Variants in HAO1 observed in about 807,000 individuals in gnomAD.
HAO1 encodes the protein hydroxyacid oxidase 1, also known as 2-Hydroxyacid oxidase 1.
In HAO1, 34 loss-of-function variants were observed where a neutral mutation model predicts 39.7. The ratio of observed to expected loss-of-function variants is 0.86; its 90% CI spans 0.65 to 1.14. The LOEUF is 1.14. Among genes scored for constraint, HAO1 ranks in the 50% most tolerant of loss-of-function variants. The pLI is 0.00. For synonymous variants in HAO1, 172 were observed against 173.2 expected, an observed-to-expected ratio of 0.99 and a Z score of 0.05; for missense variants, 479 against 464.5, an observed-to-expected ratio of 1.03 and a Z score of -0.29.
intron 4 of HAO1, among the ~76,000 whole-genome samples, chr20:7,896,205 A>T (rs1415167403): frequency 1.3e-5 from 2 of 152,222 alleles, no homozygotes. Context: ...CATATTTTAT[A>T]TTCTAAACTA....
chr20:7,902,553 G>C (rs2050225728), intron 4 of HAO1, among the ~76,000 whole-genome samples: 1 of 152,116 alleles, frequency 6.6e-6, no homozygotes, highest in Non-Finnish European at 1.5e-5. Flanking sequence ...TATGCACTGG[G>C]AAGACAAAAA....
intron 5 of HAO1, among the ~76,000 whole-genome samples, chr20:7,891,359 A>C (rs2050173446): frequency 6.6e-6 from 1 of 151,950 alleles, no homozygotes; most frequent in South Asian, 2.1e-4. Flanking sequence ...AGAATTGTCT[A>C]TTCATGTCTT....
At chr20:7,915,074 T>G (rs1029283580) in intron 2 of HAO1, among the ~76,000 whole-genome samples, 13 of 152,140 alleles carry the variant, frequency 8.5e-5, no homozygotes, top group African/African-American at 3.1e-4. Context: ...GAGCTGAGAT[T>G]GCAGCATTGC....
At chr20:7,908,735 G>T (rs538995618) in intron 3 of HAO1, among the ~76,000 whole-genome samples, 1 of 152,130 alleles carries the variant, frequency 6.6e-6, no homozygotes, top group South Asian at 2.1e-4. Flanking sequence ...CTTTGGTGGG[G>T]ATTTTAGCTG....
chr20:7,883,777 A>G, intron 7 of HAO1, 114 bp from the exon 8 acceptor site: 1 of 899,958 alleles, frequency 1.1e-6, no homozygotes, highest in South Asian at 1.4e-5. Flanking sequence ...GATTCAAGGT[A>G]GGCTTGCCAA....
intron 3 of HAO1, among the ~76,000 whole-genome samples, chr20:7,912,842 G>T (rs1389565152): frequency 6.6e-6 from 1 of 152,154 alleles, no homozygotes; most frequent in Non-Finnish European, 1.5e-5. Flanking sequence ...ATACAGAAAT[G>T]ATATCCTAAA....
Position 7,940,365 on chromosome 20 carries a change from G to A in HAO1, c.58C>T (p.Pro20Ser). The change falls in exon 1 of 8, where the codon CCA (proline) becomes TCA (serine). Residue 20 changes from proline (P) to serine (S), a missense_variant. By Grantham distance (74) the Pro-to-Ser change is moderately conservative. Coordinates refer to ENST00000378789, the MANE Select transcript of HAO1 (RefSeq NM_017545.3). Reference sequence around the variant, plus strand: ...CTGTAATAGTCATATATAGACTTTGGAAGTACTGATTTAGCATGTTGTTCA... The same window carrying A: ...CTGTAATAGTCATATATAGACTTTGAAAGTACTGATTTAGCATGTTGTTCA... The part of the protein sequence containing the change: ...DYEQHAKSVL[P>S]KSIYDYYRSG... The A allele has an allele frequency of 1.2e-6, 2 of 1,612,312 alleles. No homozygotes were observed. Among genetic ancestry groups the A allele is most frequent in the Non-Finnish European group, 1.7e-6 (2 of 1,178,938 alleles).
At chr20:7,911,349 T>C (rs1417438348) in intron 3 of HAO1, among the ~76,000 whole-genome samples, 1 of 152,220 alleles carries the variant, frequency 6.6e-6, no homozygotes, top group Non-Finnish European at 1.5e-5. Context: ...TGTCATGATT[T>C]ACCTTGATCT....
chr20:7,925,313 G>A (rs750440156), intron 2 of HAO1, among the ~76,000 whole-genome samples: 1 of 152,116 alleles, frequency 6.6e-6, no homozygotes, highest in East Asian at 1.9e-4. Context: ...AATCGTTGCC[G>A]TGCTTTCATC....
intron 2 of HAO1, among the ~76,000 whole-genome samples, chr20:7,922,558 G>T (rs914564490): frequency 7.9e-5 from 12 of 152,092 alleles, no homozygotes; most frequent in Admixed American, 2.0e-4. Context: ...CATATATAGG[G>T]AGAGAATATC....
intron 5 of HAO1, among the ~76,000 whole-genome samples, chr20:7,892,459 C>T (rs1372547318): frequency 1.3e-5 from 2 of 152,190 alleles, no homozygotes; most frequent in Non-Finnish European, 2.9e-5. Flanking sequence ...GCAATATGCA[C>T]ACCCAATATT....
intron 5 of HAO1, among the ~76,000 whole-genome samples, chr20:7,887,428 T>C (rs1359273037): frequency 6.6e-6 from 1 of 152,128 alleles, no homozygotes; most frequent in Non-Finnish European, 1.5e-5. Context: ...GGGCTACAGA[T>C]TGGAAGGAAG....
At position 7,928,552 on chromosome 20, in the gene HAO1, C is replaced by T. The variant is rs145748038; in HGVS notation, c.289+5932G>A. On this transcript the variant is annotated intron_variant, in intron 2 of 7. Coordinates refer to ENST00000378789, the MANE Select transcript of HAO1 (RefSeq NM_017545.3). ...ATTTAAAGAACTTTTCTTTTGAACA[C>T]CAAAATGCAACACAAGTAGCTCATG... 1.2e-3 allele frequency among the ~76,000 whole-genome samples: 174 copies of T among 150,574 alleles called. 1 individual carries two copies. The highest frequency in any genetic ancestry group is 3.2e-3 in the African/African-American group (133 of 40,984).
intron 5 of HAO1, among the ~76,000 whole-genome samples, chr20:7,886,290 C>T (rs1422231759): frequency 2.0e-5 from 3 of 151,984 alleles, no homozygotes; most frequent in Admixed American, 2.0e-4. Flanking sequence ...TCTCCTGCCT[C>T]AGTCTCCCAA....
intron 3 of HAO1, among the ~76,000 whole-genome samples, chr20:7,907,126 A>G (rs1328105509): frequency 6.6e-6 from 1 of 152,214 alleles, no homozygotes; most frequent in Non-Finnish European, 1.5e-5. Context: ...GTTTCCCAGC[A>G]GATGAGTTGT....
intron 2 of HAO1, among the ~76,000 whole-genome samples, chr20:7,924,919 A>T (rs1352428205): frequency 1.3e-5 from 2 of 152,148 alleles, no homozygotes; most frequent in Non-Finnish European, 2.9e-5. Flanking sequence ...GTCATTACGT[A>T]ATGGGGAAAA....
In HAO1 at chr20:7,940,237, G is replaced by A. The variant is rs193032717; in HGVS notation, c.137+49C>T. ...AAACTAGGAGATCTTATTTTGGTAC[G>A]GTCTTTGTGTAATTTTAAAACATGA... On this transcript the variant is annotated intron_variant, in intron 1 of 7. Coordinates refer to ENST00000378789, the MANE Select transcript of HAO1 (RefSeq NM_017545.3). 5,664 of 1,445,914 alleles carry A rather than the reference G, an allele frequency of 3.9e-3. 25 individuals are homozygous for A. Among genetic ancestry groups the A allele is most frequent in the Admixed American group, 0.01 (542 of 52,150 alleles). 89.6% of individuals were successfully genotyped at this position (1,445,914 alleles called of 1,614,324 possible).
Position 7,883,140 on chromosome 20 carries a change from T to A in HAO1, c.*453A>T, listed in dbSNP as rs550979704. On this transcript the variant is annotated 3_prime_UTR_variant, in exon 8 of 8. Coordinates refer to ENST00000378789, the MANE Select transcript of HAO1 (RefSeq NM_017545.3). ...TCCAATTCTCTCCAGTGCTACCTTC[T>A]CAAAGTTGTGAATCAGGCATTACCA... 149 of 164,186 alleles carry A rather than the reference T, an allele frequency of 9.1e-4. 1 individual carries two copies. Among genetic ancestry groups the A allele is most frequent in the African/African-American group, 3.5e-3 (145 of 41,840 alleles). The allele number at this position is 164,186 out of a possible 1,614,324, so 10.2% of individuals were successfully genotyped here.
intron 5 of HAO1, 70 bp from the exon 6 acceptor site, chr20:7,885,934 AC>A (rs1385402430): frequency 7.9e-7 from 1 of 1,271,444 alleles, no homozygotes; most frequent in East Asian, 2.3e-5. Flanking sequence ...ACCTCCAAAA[AC>A]CACTGACACA....
Sources: allele counts gnomAD v4.1 joint callset (sites outside exome capture counted in the v4.1 genomes callset), GRCh38; gene constraint gnomAD v4.1.1; transcripts MANE v1.5; gene names NCBI Gene and HGNC (gene_info 2026-07-23, HGNC 2026-07-21).